Variants in ANTXRL observed in about 807,000 individuals in gnomAD.
ANTXRL encodes the protein ANTXR like.
A neutral mutation model predicts 75.4 loss-of-function variants in ANTXRL; 63 were observed. That is an observed-to-expected ratio of 0.84 (90% confidence interval 0.68 to 1.03). The LOEUF (loss-of-function observed/expected upper bound fraction) is 1.03, where lower values mean the gene tolerates loss of function less well. ANTXRL is among the 50% of genes least tolerant of loss of function. The probability of loss-of-function intolerance (pLI) is 0.00; values close to 1 mark genes in which losing one functional copy is unlikely to be tolerated. For missense variants in ANTXRL, 797 were observed against 789.4 expected (o/e 1.01, Z -0.12); for synonymous variants, 335 against 291.3 (o/e 1.15, Z -1.53).
At chr10:46,293,628 G>C (rs1244720730) in intron 2 of ANTXRL, among the ~76,000 whole-genome samples, 1 of 151,904 alleles carries the variant, frequency 6.6e-6, no homozygotes, top group Non-Finnish European at 1.5e-5. Context: ...GATGCAGTGA[G>C]TTGCCATCCT....
rs567417224 is a variant in ANTXRL at position 46,292,100 on chromosome 10, G to T, written c.291G>T (p.Trp97Cys). The T allele has an allele frequency of 6.0e-4, 927 of 1,536,314 alleles. 1 individual carries two copies. The highest frequency in any genetic ancestry group is 7.8e-4 in the Non-Finnish European group (893 of 1,146,816). The change falls in exon 2 of 17, where the codon TGG (tryptophan) becomes TGT (cysteine). Residue 97 changes from tryptophan to cysteine, a missense_variant. Trp to Cys is a radical substitution (Grantham distance 215). Around this residue, in one of 3 missense-constraint regions of ANTXRL, gnomAD observed 262 missense variants for 271.9 expected, o/e 0.96. Transcript: ENST00000620264. Reference sequence around the variant, plus strand: ...ATAACTGGATTGACCTTTATATGTGGGTGGAGGAAACAGTGGCGAGGTTCC... The same window carrying T: ...ATAACTGGATTGACCTTTATATGTGTGTGGAGGAAACAGTGGCGAGGTTCC... Reference protein sequence around the residue: ...VNNNWIDLYMWVEETVARFQS... With the variant: ...VNNNWIDLYMCVEETVARFQS...
Position 46,313,227 on chromosome 10 carries a change from G to C in ANTXRL, c.1330-9G>C. ...TGCATGTCTTCCTCATGGCCACGTT[G>C]CTTTTCAGGGCAATCTGGATACCTT... is the stretch of plus-strand genomic sequence containing the variant. On this transcript the variant is annotated splice_polypyrimidine_tract_variant and intron_variant, in intron 15 of 16. Transcript: ENST00000620264. 1 of 1,535,728 alleles carries C rather than the reference G, an allele frequency of 6.5e-7. No individual in the cohort carries two copies. Among genetic ancestry groups the C allele is most frequent in the Non-Finnish European group, 8.7e-7 (1 of 1,146,622 alleles).
At chr10:46,295,004 G>A (rs1837281376) in intron 3 of ANTXRL, among the ~76,000 whole-genome samples, 1 of 152,198 alleles carries the variant, frequency 6.6e-6, no homozygotes, top group Non-Finnish European at 1.5e-5. Context: ...ACCAGAGCCA[G>A]TCCTGACTGC....
intron 9 of ANTXRL, among the ~76,000 whole-genome samples, chr10:46,300,185 A>T (rs1837635264): frequency 6.6e-6 from 1 of 152,094 alleles, no homozygotes; most frequent in African/African-American, 2.4e-5. Context: ...GTGGCCCGGC[A>T]GTCACAGCCC....
chr10:46,302,719 C>T lies in ANTXRL; in HGVS notation c.797-3C>T. Reference sequence around the variant, plus strand: ...CTCAGCCTTTTGAATGTTGTCCTTGCAGAACCCTACCATGTGGTTATTCAT... The same window carrying T: ...CTCAGCCTTTTGAATGTTGTCCTTGTAGAACCCTACCATGTGGTTATTCAT... On this transcript the variant is annotated splice_polypyrimidine_tract_variant and splice_region_variant and intron_variant, in intron 9 of 16. Coordinates refer to ENST00000620264, the MANE Select transcript of ANTXRL (RefSeq NM_001278688.3). The T allele has an allele frequency of 6.5e-7, 1 of 1,534,138 alleles. No individual in the cohort carries two copies. The highest frequency in any genetic ancestry group is 8.7e-7 in the Non-Finnish European group (1 of 1,144,824).
chr10:46,319,153 TG>T (rs1314749170), intron 16 of ANTXRL, among the ~76,000 whole-genome samples: 1 of 152,192 alleles, frequency 6.6e-6, no homozygotes, highest in African/African-American at 2.4e-5. Flanking sequence ...TATGTGAGTA[TG>T]GAGGCTTTCT....
In ANTXRL at chr10:46,329,732, G is replaced by A; in HGVS notation, c.1544G>A (p.Arg515Lys). The A allele has an allele frequency of 6.5e-7, 1 of 1,534,982 alleles. No individual in the cohort carries two copies. The highest frequency in any genetic ancestry group is 1.2e-5 in the South Asian group (1 of 84,020). The change falls in exon 17 of 17, where the codon AGA becomes AAA. Residue 515 changes from arginine to lysine, a missense_variant. Transcript: ENST00000620264. ...CCCTGCAGCCCAAGGATGTGCCTGA[G>A]ACACAGCCGGGAGTGCCTCGCCCTC... is the stretch of plus-strand genomic sequence containing the variant. ...QAPCSPRMCLRHSRECLALKQ... is the reference protein window; with the variant it reads ...QAPCSPRMCLKHSRECLALKQ...
chr10:46,294,922 C>A (rs1837276866), intron 3 of ANTXRL, among the ~76,000 whole-genome samples: 1 of 152,148 alleles, frequency 6.6e-6, no homozygotes, highest in Non-Finnish European at 1.5e-5. Context: ...TCTGCTCAGC[C>A]TTGCTGTGCA....
At chr10:46,327,012 T>C (rs1266396490) in intron 16 of ANTXRL, among the ~76,000 whole-genome samples, 5 of 151,984 alleles carry the variant, frequency 3.3e-5, no homozygotes, top group Admixed American at 3.3e-4. Context: ...GAGATTCAGC[T>C]CTAGTGCTCT....
In ANTXRL at chr10:46,306,954, GC is replaced by G. The variant is rs111794159; in HGVS notation, c.965+88del. 1.0e-5 allele frequency: 12 copies of G among 1,160,404 alleles called. No homozygotes were observed. In the Admixed American group the frequency reaches 2.2e-4, roughly 21 times the overall value. The allele number at this position is 1,160,404 out of a possible 1,614,324, so 71.9% of individuals were successfully genotyped here. A position where few individuals can be genotyped will look rare whatever the true frequency, so the allele number is the denominator to read the frequency against. ...ACCTTGAGGTGTACAAAATGTGGAT[GC>G]CCCCCACCCCCTGCTGGGACAGCAC... On this transcript the variant is annotated intron_variant, in intron 11 of 16. Coordinates refer to ENST00000620264, the MANE Select transcript of ANTXRL (RefSeq NM_001278688.3).
In ANTXRL at chr10:46,329,618, C is replaced by T. The variant is rs1483525212; in HGVS notation, c.1430C>T (p.Ala477Val). ...CTACAGGGGAGGTACCTCAGCTTAG[C>T]CCTTGCACAGTCCCAATATGCACAG... is the stretch of plus-strand genomic sequence containing the variant. ...SRDQGRYLSL[A>V]LAQSQYAQAP... The change falls in exon 17 of 17, where the codon GCC (alanine) becomes GTC (valine). Residue 477 changes from alanine to valine, a missense_variant. Physicochemically the swap from Ala to Val is moderately conservative, Grantham distance 64 (BLOSUM62 0). Around this residue, in one of 3 missense-constraint regions of ANTXRL, gnomAD observed 479 missense variants for 422.0 expected, o/e 1.14. Transcript: ENST00000620264. 6.5e-7 allele frequency: 1 copy of T among 1,536,340 alleles called. No homozygotes were observed. Among genetic ancestry groups the T allele is most frequent in the African/African-American group, 1.4e-5 (1 of 73,108 alleles).
chr10:46,306,817 A>G lies in ANTXRL; in HGVS notation c.910A>G (p.Ser304Gly), dbSNP rs1458112674. 1.2e-5 allele frequency: 18 copies of G among 1,528,064 alleles called. No individual in the cohort carries two copies. The highest frequency in any genetic ancestry group is 1.4e-5 in the Non-Finnish European group (16 of 1,143,786). 94.7% of individuals were successfully genotyped at this position (1,528,064 alleles called of 1,614,324 possible). ...ESTIIDEKPT[S>G]IDNNSMNCPG... ...TTTTCTTTTAGATGAAAAGCCAACC[A>G]GTATCGACAATAATTCCATGAATTG... Residue 304 changes from serine (S) to glycine (G), a missense_variant, in exon 11 of 17, where the codon AGT becomes GGT. Ser to Gly is a moderately conservative substitution (Grantham distance 56). This residue lies in a region of ANTXRL where 479 missense variants were observed against 422.0 expected (regional missense o/e 1.14). Coordinates refer to ENST00000620264, the MANE Select transcript of ANTXRL (RefSeq NM_001278688.3).
chr10:46,312,466 G>C (rs2132828707), intron 15 of ANTXRL, among the ~76,000 whole-genome samples: 1 of 147,368 alleles, frequency 6.8e-6, no homozygotes, highest in East Asian at 2.0e-4. Context: ...GGACCCCAGA[G>C]TTCCTACCTG....
chr10:46,293,392 G>GCC (rs1565015319), intron 2 of ANTXRL, among the ~76,000 whole-genome samples: 14 of 145,218 alleles, frequency 9.6e-5, no homozygotes, highest in East Asian at 2.0e-4. Flanking sequence ...GTGTGTGCCT[G>GCC]TGTGTGTGAG....
chr10:46,316,012 G>A (rs557788954), intron 16 of ANTXRL, among the ~76,000 whole-genome samples: 4 of 152,138 alleles, frequency 2.6e-5, no homozygotes, highest in Non-Finnish European at 1.5e-5. Context: ...GCACAACTCC[G>A]AGTCTCTTGA....
chr10:46,313,164 T>G, intron 15 of ANTXRL, 72 bp from the exon 16 acceptor site: 1 of 1,309,224 alleles, frequency 7.6e-7, no homozygotes, highest in East Asian at 2.5e-5. Context: ...TGTGGGGGGC[T>G]GGGGAGTCCT....
intron 16 of ANTXRL, among the ~76,000 whole-genome samples, chr10:46,313,952 G>A (rs1838579177): frequency 6.6e-6 from 1 of 152,204 alleles, no homozygotes; most frequent in African/African-American, 2.4e-5. Flanking sequence ...AGCACCAAGG[G>A]GCTTCTCTGC....
chr10:46,286,561 G>A (rs1265274706), upstream of ANTXRL: 1 of 152,270 alleles, frequency 6.6e-6, no homozygotes, highest in Admixed American at 6.5e-5. Context: ...CAGAACCTGT[G>A]AGCATAATAA....
rs1554967438 is a variant in ANTXRL at position 46,330,125 on chromosome 10, C to T, written c.*41C>T. On this transcript the variant is annotated 3_prime_UTR_variant, in exon 17 of 17. Coordinates refer to ENST00000620264, the MANE Select transcript of ANTXRL (RefSeq NM_001278688.3). ...AGATTAACAGGCTTTTGTTGCTGAA[C>T]TGGACATATACATTGAGTCTTTTCT... The T allele has an allele frequency of 6.8e-7, 1 of 1,464,162 alleles. No homozygotes were observed. Among genetic ancestry groups the T allele is most frequent in the Non-Finnish European group, 9.0e-7 (1 of 1,110,266 alleles). 90.7% of individuals were successfully genotyped at this position (1,464,162 alleles called of 1,614,324 possible).
Sources: allele counts gnomAD v4.1 joint callset (sites outside exome capture counted in the v4.1 genomes callset), GRCh38; gene constraint gnomAD v4.1.1; regional missense constraint gnomAD v4.1.1; transcripts MANE v1.5; gene names NCBI Gene and HGNC (gene_info 2026-07-23, HGNC 2026-07-21).